The following TRPM7 variants were observed in gnomAD, a reference collection of about 807,000 sequenced individuals.
The protein encoded by TRPM7 is transient receptor potential cation channel subfamily M member 7.
A neutral mutation model predicts 229.7 loss-of-function variants in TRPM7; 134 were observed. The ratio of observed to expected loss-of-function variants is 0.58; its 90% CI spans 0.51 to 0.67. The LOEUF is 0.67. Ranked by LOEUF, TRPM7 falls within the 30% of genes least tolerant of loss-of-function variation. TRPM7 has a pLI of 0.00. For missense variants in TRPM7, 1,901 were observed against 2,210.0 expected (o/e 0.86, Z 2.80); for synonymous variants, 699 against 715.2 (o/e 0.98, Z 0.36).
At chr15:50,645,215 T>C (rs2061228099) in intron 4 of TRPM7, among the ~76,000 whole-genome samples, 2 of 152,108 alleles carry the variant, frequency 1.3e-5, no homozygotes, top group Admixed American at 1.3e-4. Context: ...AATTTTTTTG[T>C]ATTTTTGGTA....
chr15:50,600,760 G>C (rs898478037), intron 21 of TRPM7, among the ~76,000 whole-genome samples: 1 of 152,212 alleles, frequency 6.6e-6, no homozygotes, highest in Admixed American at 6.5e-5. Flanking sequence ...CTTAAGATTA[G>C]AAAGAAAAGT....
intron 11 of TRPM7, 105 bp downstream of exon 11, chr15:50,628,044 T>C: frequency 1.3e-6 from 1 of 782,178 alleles, no homozygotes; most frequent in Non-Finnish European, 2.1e-6. Flanking sequence ...ATTTTTGAAC[T>C]ATTGGCAGAA....
intron 1 of TRPM7, among the ~76,000 whole-genome samples, chr15:50,679,368 C>T (rs1357629333): frequency 6.7e-6 from 1 of 149,370 alleles, no homozygotes; most frequent in Non-Finnish European, 1.5e-5. Context: ...GACGCTTGGA[C>T]GTTCACACTG....
intron 27 of TRPM7, among the ~76,000 whole-genome samples, chr15:50,586,848 C>G (rs1339742504): frequency 6.6e-6 from 1 of 152,060 alleles, no homozygotes; most frequent in Admixed American, 6.6e-5. Context: ...GAAACCCCAT[C>G]TCTACTAAAA....
intron 19 of TRPM7, 60 bp downstream of exon 19, chr15:50,609,521 C>T: frequency 1.0e-5 from 15 of 1,488,268 alleles, no homozygotes; most frequent in Non-Finnish European, 1.4e-5. Context: ...GATTCCGAAC[C>T]AATGGTCCCC....
Position 50,577,721 on chromosome 15 carries a change from TAATA to T in TRPM7, c.4618+914_4618+917del, listed in dbSNP as rs199631300. On this transcript the variant is annotated intron_variant, in intron 31 of 38. Transcript: ENST00000646667. ...AATTCCACTCCTAGGCATATGCCAA[TAATA>T]AATAAATACATATGTTTATCAAACA... Among the ~76,000 whole-genome samples the T allele has an allele frequency of 2.1e-4, 32 of 152,240 alleles. No individual in the cohort carries two copies. In the East Asian group the frequency reaches 6.0e-3, roughly 28 times the overall value.
At position 50,603,576 on chromosome 15, in the gene TRPM7, C is replaced by T. The variant is rs533405048; in HGVS notation, c.2988+1290G>A. Among the ~76,000 whole-genome samples the T allele has an allele frequency of 7.8e-3, 1,181 of 151,140 alleles. 3 individuals carry two copies. Among genetic ancestry groups the T allele is most frequent in the Middle Eastern group, 0.017 (5 of 294 alleles). ...GAACATGCGGTGTTTGGTTTTCTGT[C>T]CTTGCAATAGTTTGCTCAGAATGAT... On this transcript the variant is annotated intron_variant, in intron 21 of 38. Coordinates refer to ENST00000646667, the MANE Select transcript of TRPM7 (RefSeq NM_017672.6).
At chr15:50,632,303 AAT>A (rs1322285901) in intron 9 of TRPM7, among the ~76,000 whole-genome samples, 5 of 152,144 alleles carry the variant, frequency 3.3e-5, no homozygotes, top group Admixed American at 6.5e-5. Flanking sequence ...CAAAAAAAAA[AAT>A]AAATAAAAAT....
At chr15:50,573,744 C>T (rs2054002098) in intron 36 of TRPM7, among the ~76,000 whole-genome samples, 2 of 152,152 alleles carry the variant, frequency 1.3e-5, no homozygotes. Flanking sequence ...CTTATCAAAA[C>T]ATCTGTATTA....
chr15:50,575,840 TA>T (rs2054106158), intron 32 of TRPM7, 28 bp downstream of exon 32: 13 of 1,611,200 alleles, frequency 8.1e-6, no homozygotes, highest in African/African-American at 8.0e-5. Flanking sequence ...TCCAAAATGC[TA>T]TTAAATTTTG....
chr15:50,619,866 T>A (rs1248980020), intron 12 of TRPM7, 68 bp from the exon 13 acceptor site: 2 of 1,285,294 alleles, frequency 1.6e-6, no homozygotes, highest in Non-Finnish European at 2.2e-6. Flanking sequence ...TTACAGGATT[T>A]TTATGAACCT....
chr15:50,580,431 G>A (rs940068401), intron 30 of TRPM7, among the ~76,000 whole-genome samples: 4 of 152,104 alleles, frequency 2.6e-5, no homozygotes, highest in Non-Finnish European at 5.9e-5. Context: ...CTGTATGCAG[G>A]CTTTCTAATG....
At chr15:50,679,511 AAT>A (rs138501624) in intron 1 of TRPM7, among the ~76,000 whole-genome samples, 2,105 of 75,216 alleles carry the variant, frequency 0.028, 43 homozygotes, top group Middle Eastern at 0.08. Context: ...GTATATATAT[AAT>A]ATATATATAT....
Position 50,594,438 on chromosome 15 carries a change from C to A in TRPM7, c.3466G>T (p.Asp1156Tyr), listed in dbSNP as rs774172575. 2 of 1,609,230 alleles carry A rather than the reference C, an allele frequency of 1.2e-6. No homozygotes were observed. The highest frequency in any genetic ancestry group is 2.2e-5 in the South Asian group (2 of 90,226). Residue 1156 changes from aspartate to tyrosine, a missense_variant, in exon 24 of 39, where the codon GAT (aspartate) becomes TAT (tyrosine). Coordinates refer to ENST00000646667, the MANE Select transcript of TRPM7 (RefSeq NM_017672.6). ...CKRRKKDKTS[D>Y]GPKLFLTEED... is the part of the protein sequence containing the mutation. ...AATATAGTTTACTTACTTGGTCCATCGGAAGTCTTATCTTTCTTTCTTCTC... is the reference window on the plus strand; with the variant it reads ...AATATAGTTTACTTACTTGGTCCATAGGAAGTCTTATCTTTCTTTCTTCTC...
intron 1 of TRPM7, among the ~76,000 whole-genome samples, chr15:50,680,974 C>T (rs1046133403): frequency 1.3e-5 from 2 of 151,800 alleles, no homozygotes; most frequent in Non-Finnish European, 2.9e-5. Context: ...TGTAAAGTGT[C>T]GGGCGAGGTG....
At chr15:50,615,692 T>C (rs1353024527) in intron 13 of TRPM7, among the ~76,000 whole-genome samples, 1 of 152,098 alleles carries the variant, frequency 6.6e-6, no homozygotes, top group Non-Finnish European at 1.5e-5. Flanking sequence ...GGTCAGGAGT[T>C]TGAGACTATC....
chr15:50,641,961 C>T (rs969996717), intron 5 of TRPM7, among the ~76,000 whole-genome samples: 46 of 149,682 alleles, frequency 3.1e-4, no homozygotes, highest in African/African-American at 1.1e-3. Flanking sequence ...GATGGCACCA[C>T]TGCACTCCAG....
At chr15:50,672,897 T>TC (rs1482328714) in intron 1 of TRPM7, among the ~76,000 whole-genome samples, 1 of 11,226 alleles carries the variant, frequency 8.9e-5, no homozygotes, top group Admixed American at 1.6e-3. Context: ...AGACTCTGTC[T>TC]CAAAAAAAAA....
chr15:50,642,790 T>C (rs2061141859), intron 5 of TRPM7, among the ~76,000 whole-genome samples: 1 of 152,180 alleles, frequency 6.6e-6, no homozygotes, highest in Non-Finnish European at 1.5e-5. Flanking sequence ...CCAGTAAATC[T>C]TTATTCAAGG....
Sources: allele counts gnomAD v4.1 joint callset (sites outside exome capture counted in the v4.1 genomes callset), GRCh38; gene constraint gnomAD v4.1.1; transcripts MANE v1.5; gene names NCBI Gene and HGNC (gene_info 2026-07-23, HGNC 2026-07-21).